IQCM: variants seen among roughly 807,000 people sequenced by gnomAD.
IQCM encodes IQ motif containing M.
IQCM carries 45 observed loss-of-function variants against 57.6 expected under a neutral mutation model. The observed-to-expected ratio is 0.78, with a 90% CI of 0.62 to 1.00. The LOEUF is 1.00. IQCM is among the 50% of genes least tolerant of loss of function. The pLI, the probability that IQCM is intolerant of heterozygous loss-of-function variation, is 0.00. For synonymous variants in IQCM, 148 were observed against 158.9 expected (o/e 0.93, Z 0.51); for missense variants, 468 against 511.6 (o/e 0.91, Z 0.82).
chr4:149,399,644 C>T (rs890112606), intron 13 of IQCM, among the ~76,000 whole-genome samples: 3 of 152,036 alleles, frequency 2.0e-5, no homozygotes, highest in Admixed American at 6.6e-5. Context: ...CTTCTAGTAA[C>T]GATTAAGAGC....
chr4:149,658,483 G>A (rs573574533), intron 7 of IQCM, among the ~76,000 whole-genome samples: 2 of 151,854 alleles, frequency 1.3e-5, no homozygotes, highest in South Asian at 4.2e-4. Flanking sequence ...CTTGGCTTTT[G>A]GGGTCTCTCG....
intron 2 of IQCM, among the ~76,000 whole-genome samples, chr4:149,796,396 C>A (rs772860866): frequency 3.3e-5 from 5 of 152,162 alleles, no homozygotes; most frequent in Non-Finnish European, 7.4e-5. Flanking sequence ...AGCCTCAGTA[C>A]AGTAGAATAC....
At chr4:149,746,053 A>AG (rs1213364872) in intron 2 of IQCM, among the ~76,000 whole-genome samples, 4 of 151,764 alleles carry the variant, frequency 2.6e-5, no homozygotes, top group Non-Finnish European at 5.9e-5. Flanking sequence ...AAAAAAAAAA[A>AG]GCCTTATCGT....
intron 8 of IQCM, among the ~76,000 whole-genome samples, chr4:149,596,679 A>C (rs973337743): frequency 6.6e-5 from 10 of 152,142 alleles, no homozygotes; most frequent in African/African-American, 1.7e-4. Flanking sequence ...AATTCCTAGA[A>C]GTTTTCTAGG....
chr4:149,474,189 T>C (rs980950274), intron 12 of IQCM, among the ~76,000 whole-genome samples: 3 of 150,606 alleles, frequency 2.0e-5, no homozygotes, highest in Non-Finnish European at 3.0e-5. Flanking sequence ...TGAAAAGTAA[T>C]AATAATAATG....
intron 12 of IQCM, among the ~76,000 whole-genome samples, chr4:149,541,493 C>G (rs1335480677): frequency 2.6e-5 from 4 of 151,974 alleles, no homozygotes; most frequent in African/African-American, 9.7e-5. Context: ...GTTCACATTT[C>G]TAAAGACTAG....
rs1553956053 is a variant in IQCM at position 149,368,989 on chromosome 4, C to CAT, written c.1391-16924_1391-16923insAT. Among the ~76,000 whole-genome samples the CAT allele has an allele frequency of 1.3e-4, 2 of 14,922 alleles. 1 individual carries two copies. The highest frequency in any genetic ancestry group is 2.6e-4 in the Non-Finnish European group (2 of 7,838). 9.8% of individuals were successfully genotyped at this position (14,922 alleles called of 152,430 possible). On this transcript the variant is annotated intron_variant, in intron 13 of 13. Coordinates refer to ENST00000636793, the MANE Select transcript of IQCM (RefSeq NM_001363507.2). ...ATATATATATGTGTATATATATACACGTGTATATATATATATATACACGTG... is the reference window on the plus strand; with the variant it reads ...ATATATATATGTGTATATATATACACATGTGTATATATATATATATACACGTG...
At chr4:149,770,863 G>T (rs74449156) in intron 2 of IQCM, among the ~76,000 whole-genome samples, 2,714 of 152,024 alleles carry the variant, frequency 0.018, 88 homozygotes, top group African/African-American at 0.063. Flanking sequence ...TCCCCCTAGG[G>T]TCAGGAACGA....
At chr4:149,711,345 C>T (rs1029020504) in intron 5 of IQCM, among the ~76,000 whole-genome samples, 39 of 152,218 alleles carry the variant, frequency 2.6e-4, no homozygotes, top group African/African-American at 7.0e-4. Flanking sequence ...ATTAAATGAG[C>T]GAAAGCTTTA....
intron 12 of IQCM, among the ~76,000 whole-genome samples, chr4:149,461,611 G>A (rs1288202497): frequency 6.8e-6 from 1 of 146,994 alleles, no homozygotes; most frequent in African/African-American, 2.5e-5. Flanking sequence ...CTGTGATTGT[G>A]CCACTGTACT....
intron 5 of IQCM, among the ~76,000 whole-genome samples, 174 bp downstream of exon 5, chr4:149,733,070 T>A (rs937898361): frequency 3.3e-5 from 5 of 152,208 alleles, no homozygotes; most frequent in African/African-American, 9.6e-5. Flanking sequence ...TCATCTCAAT[T>A]TCTGGTGGTG....
intron 2 of IQCM, among the ~76,000 whole-genome samples, chr4:149,775,315 CA>C (rs373105612): frequency 1.5e-4 from 22 of 144,098 alleles, no homozygotes; most frequent in East Asian, 2.0e-4. Context: ...CAGCCCAAGA[CA>C]AAAAAAAAAG....
In IQCM at chr4:149,429,916, T is replaced by C. The variant is rs532823455; in HGVS notation, c.1390+3480A>G. ...AAGACAGAGTTTGAAAATAACAACG[T>C]AATGCCACTTGCATATTTCCTTTTA... On this transcript the variant is annotated intron_variant, in intron 13 of 13. Transcript: ENST00000636793. 22 of 1,010,174 alleles carry C rather than the reference T, an allele frequency of 2.2e-5. No homozygotes were observed. The East Asian group carries it at 6.2e-4, about 29-fold the overall frequency. 62.6% of individuals were successfully genotyped at this position (1,010,174 alleles called of 1,614,324 possible).
chr4:149,546,803 G>A (rs1579442370), intron 12 of IQCM, among the ~76,000 whole-genome samples: 1 of 152,106 alleles, frequency 6.6e-6, no homozygotes, highest in Admixed American at 6.6e-5. Flanking sequence ...TTCTTTTGCT[G>A]TGCAGAAGCT....
chr4:149,605,072 G>T (rs1465167865), intron 8 of IQCM, among the ~76,000 whole-genome samples: 2 of 152,114 alleles, frequency 1.3e-5, no homozygotes, highest in Non-Finnish European at 1.5e-5. Context: ...ATTGTTAACA[G>T]TATTACTAAT....
At chr4:149,659,366 G>A (rs550128233) in intron 7 of IQCM, among the ~76,000 whole-genome samples, 186 of 152,168 alleles carry the variant, frequency 1.2e-3, no homozygotes, top group African/African-American at 3.1e-3. Context: ...CCATACTCAC[G>A]GGTAGGAAGA....
At chr4:149,612,734 CTA>C (rs1259509623) in intron 8 of IQCM, among the ~76,000 whole-genome samples, 3 of 152,020 alleles carry the variant, frequency 2.0e-5, no homozygotes, top group Non-Finnish European at 4.4e-5. Context: ...AAGTAAATAT[CTA>C]TGTCATTTTG....
At chr4:149,582,311 T>C (rs1465698782) in intron 9 of IQCM, among the ~76,000 whole-genome samples, 1 of 434 alleles carries the variant, frequency 2.3e-3, no homozygotes, top group Non-Finnish European at 5.0e-3. Flanking sequence ...TGTAGACATA[T>C]ATATATATAT....
chr4:149,415,634 CA>C (rs1733694631), intron 13 of IQCM, among the ~76,000 whole-genome samples: 1 of 151,982 alleles, frequency 6.6e-6, no homozygotes, highest in Non-Finnish European at 1.5e-5. Context: ...TACATCTAAT[CA>C]TAAATTGCAA....
Sources: allele counts gnomAD v4.1 joint callset (sites outside exome capture counted in the v4.1 genomes callset), GRCh38; gene constraint gnomAD v4.1.1; transcripts MANE v1.5; gene names NCBI Gene and HGNC (gene_info 2026-07-23, HGNC 2026-07-21).